ZNF407: variants seen among roughly 807,000 people sequenced by gnomAD.
ZNF407 encodes the protein zinc finger protein 407.
A neutral mutation model predicts 131.2 loss-of-function variants in ZNF407; 17 were observed. That is an observed-to-expected ratio of 0.13 (90% CI 0.09 to 0.19). The LOEUF is 0.19. Ranked by LOEUF, ZNF407 falls within the 10% of genes least tolerant of loss-of-function variation. The pLI is 1.00. For missense variants in ZNF407, 2,681 were observed against 2,830.6 expected, an observed-to-expected ratio of 0.95 and a Z score of 1.20; for synonymous variants, 1,156 against 1,062.0, an observed-to-expected ratio of 1.09 and a Z score of -1.72.
intron 3 of ZNF407, among the ~76,000 whole-genome samples, chr18:74,773,585 T>C (rs1217250853): frequency 6.6e-6 from 1 of 152,176 alleles, no homozygotes; most frequent in Non-Finnish European, 1.5e-5. Flanking sequence ...TACACTAAAG[T>C]TTTATGCGAA....
chr18:74,994,632 A>T (rs1026261181), intron 8 of ZNF407, among the ~76,000 whole-genome samples: 1 of 152,222 alleles, frequency 6.6e-6, no homozygotes, highest in Non-Finnish European at 1.5e-5. Context: ...TGCAGAGAGC[A>T]GGGCTCATGT....
intron 4 of ZNF407, among the ~76,000 whole-genome samples, chr18:74,808,083 G>A (rs577826576): frequency 1.3e-5 from 2 of 151,822 alleles, no homozygotes; most frequent in South Asian, 4.2e-4. Context: ...GCGCGATCTC[G>A]GCACACCGCA....
chr18:74,834,112 C>T (rs576254282), intron 4 of ZNF407, among the ~76,000 whole-genome samples: 3 of 152,298 alleles, frequency 2.0e-5, no homozygotes, highest in African/African-American at 4.8e-5. Context: ...ATACTTTTCT[C>T]TCATTTGTTC....
intron 8 of ZNF407, among the ~76,000 whole-genome samples, chr18:74,990,422 C>A (rs1157029252): frequency 1.3e-5 from 2 of 152,092 alleles, no homozygotes; most frequent in Admixed American, 6.5e-5. Flanking sequence ...CCTTAAATTT[C>A]TGGATTTGAT....
At chr18:74,959,548 T>C (rs916561558) in intron 8 of ZNF407, among the ~76,000 whole-genome samples, 2 of 152,208 alleles carry the variant, frequency 1.3e-5, no homozygotes, top group Non-Finnish European at 2.9e-5. Context: ...GTTGTGTTTC[T>C]ATGTATCTTG....
chr18:74,943,117 C>T (rs986830313), intron 8 of ZNF407, among the ~76,000 whole-genome samples: 1 of 151,852 alleles, frequency 6.6e-6, no homozygotes, highest in African/African-American at 2.4e-5. Flanking sequence ...GGGGTCTCAC[C>T]ACATTAGCCA....
At chr18:74,863,199 G>A (rs1970962391) in intron 4 of ZNF407, among the ~76,000 whole-genome samples, 1 of 151,614 alleles carries the variant, frequency 6.6e-6, no homozygotes, top group African/African-American at 2.4e-5. Flanking sequence ...GGGATTACAG[G>A]TGTGAGCCAC....
chr18:74,841,878 C>G (rs1970638619), intron 4 of ZNF407, among the ~76,000 whole-genome samples: 1 of 152,188 alleles, frequency 6.6e-6, no homozygotes. Context: ...AACTATGAAT[C>G]CTTCATGTTA....
At chr18:74,912,532 T>A (rs1599237728) in intron 7 of ZNF407, among the ~76,000 whole-genome samples, 2 of 152,256 alleles carry the variant, frequency 1.3e-5, no homozygotes, top group East Asian at 3.9e-4. Flanking sequence ...GCATCTCAAG[T>A]CAGTGGGGAA....
At chr18:75,062,981 C>G in intron 8 of ZNF407, 169 bp from the exon 9 acceptor site, 1 of 591,402 alleles carries the variant, frequency 1.7e-6, no homozygotes, top group Non-Finnish European at 2.9e-6. Context: ...CAGATGCCCA[C>G]GGAGGCCTCT....
intron 8 of ZNF407, among the ~76,000 whole-genome samples, chr18:74,964,354 C>T (rs1972384602): frequency 6.6e-6 from 1 of 152,212 alleles, no homozygotes; most frequent in African/African-American, 2.4e-5. Flanking sequence ...ATCTTACAAA[C>T]ATCAGCTTTA....
At chr18:74,706,385 A>G (rs1314717461) in intron 3 of ZNF407, among the ~76,000 whole-genome samples, 1 of 152,222 alleles carries the variant, frequency 6.6e-6, no homozygotes, top group Non-Finnish European at 1.5e-5. Context: ...ATTAACTGCA[A>G]TTGACAATGA....
chr18:74,960,100 C>T (rs889497225), intron 8 of ZNF407, among the ~76,000 whole-genome samples: 3 of 152,220 alleles, frequency 2.0e-5, no homozygotes, highest in Non-Finnish European at 2.9e-5. Context: ...GAAATCCTAA[C>T]GCAAGTACCG....
chr18:74,599,276 G>T (rs1026679881), intron 1 of ZNF407, among the ~76,000 whole-genome samples: 2 of 152,142 alleles, frequency 1.3e-5, no homozygotes, highest in African/African-American at 4.8e-5. Flanking sequence ...AGGCAGGTGT[G>T]ATAATTGCTC....
At chr18:74,841,743 G>T (rs1214186591) in intron 4 of ZNF407, among the ~76,000 whole-genome samples, 2 of 152,198 alleles carry the variant, frequency 1.3e-5, no homozygotes, top group Admixed American at 1.3e-4. Flanking sequence ...ATGAATTTGA[G>T]CCATGTGCAT....
intron 3 of ZNF407, among the ~76,000 whole-genome samples, chr18:74,718,900 T>G (rs1967959418): frequency 6.6e-6 from 1 of 152,216 alleles, no homozygotes; most frequent in African/African-American, 2.4e-5. Context: ...CATTTTATTT[T>G]TAATAATATG....
chr18:74,967,263 A>T (rs1380741592), intron 8 of ZNF407, among the ~76,000 whole-genome samples: 1 of 152,120 alleles, frequency 6.6e-6, no homozygotes, highest in Non-Finnish European at 1.5e-5. Flanking sequence ...AGAAAGAAAG[A>T]CGGATTTGTT....
intron 8 of ZNF407, among the ~76,000 whole-genome samples, chr18:74,991,139 T>C (rs1190842970): frequency 5.9e-5 from 9 of 152,200 alleles, no homozygotes; most frequent in Admixed American, 5.9e-4. Flanking sequence ...TACCTGCTTA[T>C]AACAATTCAA....
At chr18:74,825,492 A>C (rs976430686) in intron 4 of ZNF407, among the ~76,000 whole-genome samples, 1 of 152,210 alleles carries the variant, frequency 6.6e-6, no homozygotes, top group Non-Finnish European at 1.5e-5. Flanking sequence ...ACTTCACCAA[A>C]GTCTCAGGAT....
Sources: gnomAD v4.1 joint callset for allele counts (sites outside exome capture counted in the v4.1 genomes callset) on GRCh38, gnomAD v4.1.1 for gene constraint, MANE v1.5 for transcripts, NCBI Gene and HGNC (gene_info 2026-07-23, HGNC 2026-07-21) for gene names.